Variants in KCNIP4 observed in about 807,000 individuals in gnomAD.
KCNIP4 encodes Kv channel-interacting protein 4.
Under a neutral mutation model 34.0 loss-of-function variants are expected in KCNIP4, and 12 were observed. That is an observed-to-expected ratio of 0.35 (90% CI 0.23 to 0.57). The LOEUF is 0.57. Ranked by LOEUF, KCNIP4 falls within the 20% of genes least tolerant of loss-of-function variation. The pLI, the probability that KCNIP4 is intolerant of heterozygous loss-of-function variation, is 0.83. For missense variants in KCNIP4, 238 were observed against 311.7 expected, an observed-to-expected ratio of 0.76 and a Z score of 1.78; for synonymous variants, 124 against 102.2, an observed-to-expected ratio of 1.21 and a Z score of -1.29.
chr4:20,979,539 C>G (rs904573166), intron 1 of KCNIP4, among the ~76,000 whole-genome samples: 1 of 151,942 alleles, frequency 6.6e-6, no homozygotes, highest in Non-Finnish European at 1.5e-5. Flanking sequence ...GCTGGGACTA[C>G]CGGCGCCCGC....
chr4:21,360,185 G>A (rs963711816), intron 1 of KCNIP4, among the ~76,000 whole-genome samples: 4 of 152,004 alleles, frequency 2.6e-5, no homozygotes, highest in Non-Finnish European at 5.9e-5. Context: ...TTTGATTCTG[G>A]TAGAAAATGC....
chr4:21,151,652 A>G (rs951617899), intron 1 of KCNIP4, among the ~76,000 whole-genome samples: 7 of 152,056 alleles, frequency 4.6e-5, no homozygotes, highest in African/African-American at 1.4e-4. Flanking sequence ...GGCCTCATCT[A>G]TCATCACATT....
intron 1 of KCNIP4, among the ~76,000 whole-genome samples, chr4:21,731,812 C>T (rs1715622428): frequency 6.6e-6 from 1 of 152,014 alleles, no homozygotes; most frequent in Non-Finnish European, 1.5e-5. Context: ...GATGAGATTG[C>T]CATTTTCTTT....
chr4:20,977,968 G>A (rs759134892), intron 1 of KCNIP4, among the ~76,000 whole-genome samples: 2 of 152,138 alleles, frequency 1.3e-5, no homozygotes, highest in Admixed American at 6.5e-5. Flanking sequence ...GAAATTTCTT[G>A]AAGGCAGTAA....
intron 1 of KCNIP4, among the ~76,000 whole-genome samples, chr4:21,230,049 C>A (rs1758680229): frequency 6.6e-6 from 1 of 152,216 alleles, no homozygotes; most frequent in African/African-American, 2.4e-5. Flanking sequence ...AAGATGACCT[C>A]ATCGTAGATG....
At chr4:20,977,487 G>T (rs985422837) in intron 1 of KCNIP4, among the ~76,000 whole-genome samples, 2 of 152,080 alleles carry the variant, frequency 1.3e-5, no homozygotes, top group African/African-American at 4.8e-5. Context: ...TATTTGGCTG[G>T]AGGGCATTCC....
chr4:20,782,974 C>CTA (rs1260598390), intron 3 of KCNIP4, among the ~76,000 whole-genome samples: 5 of 152,178 alleles, frequency 3.3e-5, no homozygotes, highest in African/African-American at 1.2e-4. Context: ...TTAGAAATTT[C>CTA]TTCTGCCAGA....
At chr4:21,243,086 T>C (rs1019629576) in intron 1 of KCNIP4, among the ~76,000 whole-genome samples, 1 of 152,140 alleles carries the variant, frequency 6.6e-6, no homozygotes, top group Non-Finnish European at 1.5e-5. Context: ...CAATATCAGA[T>C]TTATAGATAT....
At chr4:20,835,568 T>G (rs2149463833) in intron 3 of KCNIP4, among the ~76,000 whole-genome samples, 1 of 152,274 alleles carries the variant, frequency 6.6e-6, no homozygotes, top group East Asian at 1.9e-4. Context: ...GCATGTTATT[T>G]TTCTTACAAT....
rs561403264 is a variant in KCNIP4 at position 21,636,616 on chromosome 4, A to G, written c.61+311955T>C. Among the ~76,000 whole-genome samples the G allele has an allele frequency of 1.9e-3, 289 of 152,280 alleles. 1 individual carries two copies. Among genetic ancestry groups the G allele is most frequent in the African/African-American group, 6.6e-3 (273 of 41,562 alleles). On this transcript the variant is annotated intron_variant, in intron 1 of 8. Transcript: ENST00000382152. ...TTCTCTCTGAAACTCTCCAAGATCT[A>G]CTAAATAATTCCCTGTGTAGAGGTA...
At chr4:20,899,070 C>T (rs1163733337) in intron 1 of KCNIP4, among the ~76,000 whole-genome samples, 1 of 152,144 alleles carries the variant, frequency 6.6e-6, no homozygotes, top group Non-Finnish European at 1.5e-5. Context: ...ATGCAGATTT[C>T]TAGCTTATCA....
At chr4:20,852,300 A>G (rs1721121726) in intron 2 of KCNIP4, among the ~76,000 whole-genome samples, 1 of 152,204 alleles carries the variant, frequency 6.6e-6, no homozygotes. Context: ...GTTTCAAACC[A>G]GGAATGCAGG....
At chr4:21,310,633 C>CT (rs147936589) in intron 1 of KCNIP4, among the ~76,000 whole-genome samples, 26 of 150,868 alleles carry the variant, frequency 1.7e-4, no homozygotes, top group Middle Eastern at 3.4e-3. Flanking sequence ...CTTTCTTCTT[C>CT]TTTTTTTTCT....
chr4:20,826,892 G>A (rs934712508), intron 3 of KCNIP4, among the ~76,000 whole-genome samples: 12 of 152,048 alleles, frequency 7.9e-5, no homozygotes, highest in Admixed American at 7.9e-4. Flanking sequence ...TTAATACAGG[G>A]GCTAAAGAGA....
intron 1 of KCNIP4, among the ~76,000 whole-genome samples, chr4:21,496,332 G>A (rs978579679): frequency 2.0e-5 from 3 of 152,114 alleles, no homozygotes; most frequent in Non-Finnish European, 4.4e-5. Flanking sequence ...TAATAAGACT[G>A]AATCAACAGC....
chr4:20,971,340 G>A (rs1415036349), intron 1 of KCNIP4, among the ~76,000 whole-genome samples: 1 of 152,126 alleles, frequency 6.6e-6, no homozygotes, highest in African/African-American at 2.4e-5. Context: ...GATTTAAAAG[G>A]ACAAGTATAT....
intron 1 of KCNIP4, among the ~76,000 whole-genome samples, chr4:21,662,382 A>T (rs964485226): frequency 6.6e-6 from 1 of 152,368 alleles, no homozygotes; most frequent in East Asian, 1.9e-4. Flanking sequence ...TCTCCGTACC[A>T]ATACATATCA....
At chr4:21,406,136 C>T (rs6448050) in intron 1 of KCNIP4, among the ~76,000 whole-genome samples, 61,359 of 152,022 alleles carry the variant, frequency 0.4, 14,010 homozygotes, top group African/African-American at 0.63. Context: ...TACCTGGCCC[C>T]GTCATCTTTT....
intron 1 of KCNIP4, chr4:21,847,741 C>G (rs762309732): frequency 1.3e-5 from 2 of 152,064 alleles, no homozygotes; most frequent in Non-Finnish European, 2.9e-5. Context: ...GTTGTCATCC[C>G]TTACACAAAA....
Sources: gnomAD v4.1 joint callset for allele counts (sites outside exome capture counted in the v4.1 genomes callset) on GRCh38, gnomAD v4.1.1 for gene constraint, MANE v1.5 for transcripts, NCBI Gene and HGNC (gene_info 2026-07-23, HGNC 2026-07-21) for gene names.